The following KLC1 variants were observed in gnomAD, a reference collection of about 807,000 sequenced individuals.
KLC1 encodes the protein kinesin 2 60/70kDa.
Under a neutral mutation model 84.2 loss-of-function variants are expected in KLC1, and 30 were observed. The observed-to-expected ratio is 0.36, with a 90% CI of 0.27 to 0.48. The LOEUF (loss-of-function observed/expected upper bound fraction) is 0.48, where lower values mean the gene tolerates loss of function less well. KLC1 is among the 20% of genes least tolerant of loss of function. KLC1 has a pLI of 0.99. For missense variants in KLC1, 499 were observed against 805.4 expected (o/e 0.62, Z 4.60); for synonymous variants, 289 against 293.3 (o/e 0.99, Z 0.15).
At chr14:103,699,645 G>T in intron 15 of KLC1, 1 of 1,523,354 alleles carries the variant, frequency 6.6e-7, no homozygotes. Flanking sequence ...GACCCCGTTT[G>T]GACTGTCACT....
At position 103,657,546 on chromosome 14, in the gene KLC1, G is replaced by C; in HGVS notation, c.262G>C (p.Val88Leu). The C allele has an allele frequency of 6.2e-7, 1 of 1,613,542 alleles. No homozygotes were observed. The highest frequency in any genetic ancestry group is 8.5e-7 in the Non-Finnish European group (1 of 1,179,466). Residue 88 changes from valine (V) to leucine (L), a missense_variant and splice_region_variant, in exon 3 of 17, where the codon GTT becomes CTT. Val to Leu is a conservative substitution (Grantham distance 32). This residue lies in a region of KLC1 where 179 missense variants were observed against 264.2 expected (regional missense o/e 0.68). Coordinates refer to ENST00000334553, the MANE Select transcript of KLC1 (RefSeq NM_001394837.1). ...MLELGLSEAQ[V>L]MMALSNHLNA... ...GCTGCACACGTTTCTGTCTGCTCAG[G>C]TTATGATGGCTTTGTCAAATCACCT...
At chr14:103,699,680 C>G (rs1305954523) in intron 15 of KLC1, 2 of 1,137,966 alleles carry the variant, frequency 1.8e-6, no homozygotes, top group African/African-American at 3.1e-5. Context: ...CCTTCCTACC[C>G]ACCTGGGGCT....
intron 14 of KLC1, among the ~76,000 whole-genome samples, chr14:103,688,682 G>T (rs2081928808): frequency 6.6e-6 from 1 of 152,158 alleles, no homozygotes; most frequent in African/African-American, 2.4e-5. Context: ...TGAGAGAGGT[G>T]CAGGCCTGAG....
chr14:103,658,999 C>T (rs1464159382), intron 3 of KLC1, among the ~76,000 whole-genome samples: 6 of 140,324 alleles, frequency 4.3e-5, no homozygotes, highest in South Asian at 2.3e-4. Context: ...TTTTTTGAGA[C>T]GAAGTCTCGC....
At chr14:103,640,896 C>T (rs1307951838) in intron 1 of KLC1, among the ~76,000 whole-genome samples, 3 of 151,958 alleles carry the variant, frequency 2.0e-5, no homozygotes, top group African/African-American at 7.2e-5. Context: ...AACCAAGGAA[C>T]CAACATTGGT....
intron 3 of KLC1, among the ~76,000 whole-genome samples, chr14:103,660,418 T>C (rs993626457): frequency 2.0e-5 from 3 of 150,416 alleles, no homozygotes; most frequent in African/African-American, 7.4e-5. Flanking sequence ...GAGATGGAGG[T>C]TGCAGTGAGC....
chr14:103,648,075 C>T (rs898361213), intron 1 of KLC1, among the ~76,000 whole-genome samples: 1 of 151,538 alleles, frequency 6.6e-6, no homozygotes, highest in African/African-American at 2.4e-5. Flanking sequence ...CTCAAGCTCC[C>T]GAGTAGCTGG....
intron 1 of KLC1, among the ~76,000 whole-genome samples, chr14:103,651,401 T>A (rs575650887): frequency 4.8e-4 from 73 of 152,218 alleles, no homozygotes; most frequent in East Asian, 1.7e-3. Flanking sequence ...GGTTTTTTTT[T>A]AATTTAGTTA....
chr14:103,652,879 T>C (rs917110713), intron 1 of KLC1, among the ~76,000 whole-genome samples: 5 of 152,206 alleles, frequency 3.3e-5, no homozygotes, highest in Admixed American at 3.3e-4. Flanking sequence ...TTCCAAATTT[T>C]AAAAGGAATT....
At chr14:103,640,581 C>T (rs888045927) in intron 1 of KLC1, among the ~76,000 whole-genome samples, 1 of 151,434 alleles carries the variant, frequency 6.6e-6, no homozygotes, top group South Asian at 2.1e-4. Flanking sequence ...AGGATGGTCT[C>T]GATCTCCTGA....
At chr14:103,653,950 A>G (rs549858248) in intron 1 of KLC1, among the ~76,000 whole-genome samples, 1 of 152,194 alleles carries the variant, frequency 6.6e-6, no homozygotes, top group African/African-American at 2.4e-5. Flanking sequence ...TGGTGTTTGA[A>G]AGCCCCTTCC....
intron 1 of KLC1, among the ~76,000 whole-genome samples, chr14:103,634,708 T>C (rs2076926020): frequency 6.6e-6 from 1 of 151,958 alleles, no homozygotes; most frequent in South Asian, 2.1e-4. Context: ...TGGATTTTGC[T>C]TCTAGGAGGT....
intron 4 of KLC1, 36 bp downstream of exon 4, chr14:103,662,230 C>T: frequency 3.3e-6 from 5 of 1,507,512 alleles, no homozygotes; most frequent in Non-Finnish European, 4.6e-6. Context: ...TTACCGAGTG[C>T]AGAAGAGAGG....
At chr14:103,659,257 G>C (rs1006889816) in intron 3 of KLC1, among the ~76,000 whole-genome samples, 1 of 152,204 alleles carries the variant, frequency 6.6e-6, no homozygotes, top group Non-Finnish European at 1.5e-5. Context: ...GAGCCACCAC[G>C]ACCGGCTTCA....
chr14:103,666,578 A>G (rs1694354506), intron 5 of KLC1, among the ~76,000 whole-genome samples: 1 of 150,910 alleles, frequency 6.6e-6, no homozygotes, highest in Non-Finnish European at 1.5e-5. Flanking sequence ...AGTGTTTAAT[A>G]TACCTCATCT....
At position 103,692,826 on chromosome 14, in the gene KLC1, A is replaced by G. The variant is rs1366263574; in HGVS notation, c.1848+401A>G. Among the ~76,000 whole-genome samples the G allele has an allele frequency of 3.3e-5, 5 of 152,254 alleles. No individual in the cohort carries two copies. In the East Asian group the frequency reaches 9.6e-4, roughly 29 times the overall value. ...CTACTTAAGCTGTTGTTCAGTGTTCAGAAGTATTCAAAACTCTGTTAACAT... is the reference window on the plus strand; with the variant it reads ...CTACTTAAGCTGTTGTTCAGTGTTCGGAAGTATTCAAAACTCTGTTAACAT... On this transcript the variant is annotated intron_variant, in intron 15 of 16. Coordinates refer to ENST00000334553, the MANE Select transcript of KLC1 (RefSeq NM_001394837.1).
At chr14:103,686,890 T>G (rs754558267) in intron 13 of KLC1, 191 bp from the exon 14 acceptor site, 1 of 277,698 alleles carries the variant, frequency 3.6e-6, no homozygotes, top group African/African-American at 2.2e-5. Context: ...TTAATGAAAC[T>G]TAAAAAGAAC....
At chr14:103,634,645 TC>T (rs2151273788) in intron 1 of KLC1, among the ~76,000 whole-genome samples, 1 of 152,052 alleles carries the variant, frequency 6.6e-6, no homozygotes, top group South Asian at 2.1e-4. Context: ...AGGGAGGAGA[TC>T]AGTAGCAAAT....
At chr14:103,661,693 A>C (rs912777768) in intron 3 of KLC1, among the ~76,000 whole-genome samples, 1 of 152,174 alleles carries the variant, frequency 6.6e-6, no homozygotes, top group African/African-American at 2.4e-5. Flanking sequence ...CCTGCCCCAG[A>C]GCCGATTGTG....
Sources: allele counts gnomAD v4.1 joint callset (sites outside exome capture counted in the v4.1 genomes callset), GRCh38; gene constraint gnomAD v4.1.1; regional missense constraint gnomAD v4.1.1; transcripts MANE v1.5; gene names NCBI Gene and HGNC (gene_info 2026-07-23, HGNC 2026-07-21).